The following WDR64 variants were observed in gnomAD, a reference collection of about 807,000 sequenced individuals.
WDR64 encodes WD repeat-containing protein 64.
In WDR64, 112 loss-of-function variants were observed where a neutral mutation model predicts 139.3. That is an observed-to-expected ratio of 0.80 (90% CI 0.69 to 0.94). The LOEUF (loss-of-function observed/expected upper bound fraction) is 0.94, where lower values mean the gene tolerates loss of function less well. Among genes scored for constraint, WDR64 ranks in the 40% least tolerant of loss-of-function variants. WDR64 has a pLI of 0.00. For synonymous variants in WDR64, 444 were observed against 437.7 expected (o/e 1.01, Z -0.18); for missense variants, 1,206 against 1,293.1 (o/e 0.93, Z 1.03).
chr1:241,713,333 A>G (rs1272205104), intron 9 of WDR64, among the ~76,000 whole-genome samples: 1 of 106,654 alleles, frequency 9.4e-6, no homozygotes, highest in East Asian at 3.0e-4. Flanking sequence ...CGAAGGAAGG[A>G]AGGAAGGGAG....
At chr1:241,689,427 A>G (rs1013327187) in intron 8 of WDR64, among the ~76,000 whole-genome samples, 1 of 152,248 alleles carries the variant, frequency 6.6e-6, no homozygotes, top group Non-Finnish European at 1.5e-5. Flanking sequence ...ATCAAAAGAA[A>G]GCAGAAGAAG....
intron 27 of WDR64, among the ~76,000 whole-genome samples, 200 bp from the exon 28 acceptor site, chr1:241,800,932 C>T (rs9428520): frequency 0.21 from 31,295 of 151,756 alleles, 3,660 homozygotes; most frequent in East Asian, 0.43. Context: ...TGCTTGTCCA[C>T]CGCATCCTTC....
At chr1:241,693,518 C>A (rs1338909634) in intron 8 of WDR64, among the ~76,000 whole-genome samples, 1 of 151,990 alleles carries the variant, frequency 6.6e-6, no homozygotes, top group Non-Finnish European at 1.5e-5. Context: ...TGTACAACAC[C>A]AATTGTGAAC....
At chr1:241,751,103 A>G (rs10047251) in intron 14 of WDR64, among the ~76,000 whole-genome samples, 22,762 of 152,104 alleles carry the variant, frequency 0.15, 1,900 homozygotes, top group African/African-American at 0.19. Flanking sequence ...ATGACCAGTT[A>G]CCAAATATTT....
intron 1 of WDR64, among the ~76,000 whole-genome samples, chr1:241,657,831 G>A (rs1665669924): frequency 1.3e-5 from 2 of 152,170 alleles, no homozygotes; most frequent in African/African-American, 2.4e-5. Flanking sequence ...AGGTAGCTCT[G>A]TAAACTTGAA....
rs116079887 is a variant in WDR64, at chr1:241,678,183, A to C, written c.484-4A>C. 2.5e-6 allele frequency: 1 copy of C among 398,802 alleles called. No homozygotes were observed. Among genetic ancestry groups the C allele is most frequent in the Non-Finnish European group, 4.4e-6 (1 of 225,994 alleles). The allele number at this position is 398,802 out of a possible 1,614,324, so 24.7% of individuals were successfully genotyped here. A position where few individuals can be genotyped will look rare whatever the true frequency, so the allele number is the denominator to read the frequency against. On this transcript the variant is annotated splice_region_variant and splice_polypyrimidine_tract_variant and intron_variant, in intron 4 of 27. Transcript: ENST00000437684. ...GTTTCATTATTCTCTTCCTTTGTTC[A>C]TAGATGAGAGTTCAGACCAGCACCA...
chr1:241,706,429 G>C (rs1247500574), intron 8 of WDR64, among the ~76,000 whole-genome samples: 1 of 152,234 alleles, frequency 6.6e-6, no homozygotes, highest in African/African-American at 2.4e-5. Flanking sequence ...ATCCAGTTCA[G>C]TTCATTCAGC....
chr1:241,705,895 G>A (rs1424038315), intron 8 of WDR64, among the ~76,000 whole-genome samples: 1 of 152,126 alleles, frequency 6.6e-6, no homozygotes, highest in African/African-American at 2.4e-5. Context: ...GGCCCTCATG[G>A]AGAATTCTGA....
chr1:241,715,044 T>C (rs2148183109), intron 9 of WDR64, among the ~76,000 whole-genome samples: 1 of 152,288 alleles, frequency 6.6e-6, no homozygotes, highest in South Asian at 2.1e-4. Context: ...CACTCAGAAA[T>C]ACCAAAACAT....
intron 10 of WDR64, among the ~76,000 whole-genome samples, chr1:241,733,439 C>T (rs1238731910): frequency 6.6e-6 from 1 of 151,914 alleles, no homozygotes; most frequent in Non-Finnish European, 1.5e-5. Context: ...CATGCCATTG[C>T]ACTCCAGCCT....
intron 14 of WDR64, among the ~76,000 whole-genome samples, chr1:241,756,871 G>C (rs1670211763): frequency 6.6e-6 from 1 of 152,138 alleles, no homozygotes; most frequent in Admixed American, 6.5e-5. Flanking sequence ...TATATTACAC[G>C]ATAAAGCAGT....
chr1:241,765,606 A>G (rs912072865), intron 15 of WDR64, among the ~76,000 whole-genome samples: 15 of 152,112 alleles, frequency 9.9e-5, no homozygotes, highest in Non-Finnish European at 1.9e-4. Flanking sequence ...CTCTTATTTA[A>G]ATGTCACTCT....
At chr1:241,669,599 G>A (rs550857936) in intron 2 of WDR64, among the ~76,000 whole-genome samples, 1 of 152,286 alleles carries the variant, frequency 6.6e-6, no homozygotes, top group East Asian at 1.9e-4. Flanking sequence ...CGATGAGCCT[G>A]ATTTTCCCAC....
chr1:241,766,224 A>C lies in WDR64; in HGVS notation c.1954A>C (p.Thr652Pro). 6.2e-7 allele frequency: 1 copy of C among 1,613,828 alleles called. No homozygotes were observed. The highest frequency in any genetic ancestry group is 8.5e-7 in the Non-Finnish European group (1 of 1,179,832). ...RNFSQPTDNPTMDLLRVNCID... is the reference protein window; with the variant it reads ...RNFSQPTDNPPMDLLRVNCID... ...TGTTTCCTTCGTTCTTCAGAATCCC[A>C]CCATGGATTTATTACGAGTGAACTG... The change falls in exon 16 of 28, where the codon ACC (threonine) becomes CCC (proline). Residue 652 changes from threonine (T) to proline (P), a missense_variant. Coordinates refer to ENST00000437684, the MANE Select transcript of WDR64 (RefSeq NM_001367482.1).
intron 10 of WDR64, among the ~76,000 whole-genome samples, chr1:241,734,213 T>C (rs1032108622): frequency 2.0e-5 from 3 of 152,128 alleles, no homozygotes; most frequent in African/African-American, 7.2e-5. Context: ...TGAGCTGTCC[T>C]GCCTTTCCGG....
chr1:241,680,779 G>A (rs971311999), intron 6 of WDR64, among the ~76,000 whole-genome samples: 1 of 151,720 alleles, frequency 6.6e-6, no homozygotes, highest in African/African-American at 2.4e-5. Context: ...TATGAACTTC[G>A]GGTCTGCAGT....
intron 8 of WDR64, among the ~76,000 whole-genome samples, chr1:241,690,386 G>T (rs1667170704): frequency 6.6e-6 from 1 of 151,850 alleles, no homozygotes; most frequent in South Asian, 2.1e-4. Flanking sequence ...CAGGAGAATT[G>T]CTTAAACCTG....
Position 241,796,300 on chromosome 1 carries a change from T to C in WDR64, c.3122T>C (p.Val1041Ala), listed in dbSNP as rs376612325. 3 of 1,613,762 alleles carry C rather than the reference T, an allele frequency of 1.9e-6. No individual in the cohort carries two copies. In the African/African-American group the frequency reaches 4.0e-5, roughly 22 times the overall value. ...CTAAGATTTCTTCCACTGATTGGCG[T>C]AGAAGCCCAAAAGGACTCTTCAGAT... ...TSLRFLPLIGVEAQKDSSDGI... is the reference protein window; with the variant it reads ...TSLRFLPLIGAEAQKDSSDGI... The change falls in exon 27 of 28, where the codon GTA becomes GCA. Residue 1041 changes from valine to alanine, a missense_variant. By Grantham distance (64) the Val-to-Ala change is moderately conservative. Coordinates refer to ENST00000437684, the MANE Select transcript of WDR64 (RefSeq NM_001367482.1).
At chr1:241,790,220 G>A (rs745616687) in intron 24 of WDR64, among the ~76,000 whole-genome samples, 6 of 152,050 alleles carry the variant, frequency 3.9e-5, no homozygotes, top group Non-Finnish European at 5.9e-5. Flanking sequence ...GCGTGGTGAC[G>A]TGCACCTGTA....
Sources: allele counts gnomAD v4.1 joint callset (sites outside exome capture counted in the v4.1 genomes callset), GRCh38; gene constraint gnomAD v4.1.1; transcripts MANE v1.5; gene names NCBI Gene and HGNC (gene_info 2026-07-23, HGNC 2026-07-21).